Variants in SLIT3 observed in about 807,000 individuals in gnomAD.
The protein encoded by SLIT3 is slit homolog 3 protein.
SLIT3 carries 68 observed loss-of-function variants against 184.0 expected under a neutral mutation model. The ratio of observed to expected loss-of-function variants is 0.37; its 90% CI spans 0.30 to 0.45. The LOEUF is 0.45. SLIT3 is among the 20% of genes least tolerant of loss of function. SLIT3 has a pLI of 1.00. For synonymous variants in SLIT3, 831 were observed against 828.6 expected, an observed-to-expected ratio of 1.00 and a Z score of -0.05; for missense variants, 1,707 against 2,026.0, an observed-to-expected ratio of 0.84 and a Z score of 3.02.
intron 12 of SLIT3, among the ~76,000 whole-genome samples, chr5:168,784,768 C>T (rs1756092925): frequency 6.6e-6 from 1 of 152,116 alleles, no homozygotes; most frequent in Non-Finnish European, 1.5e-5. Context: ...TGAGTCCTGG[C>T]CCACAAACCC....
intron 5 of SLIT3, among the ~76,000 whole-genome samples, chr5:168,868,986 T>A (rs1429731880): frequency 6.6e-6 from 1 of 152,020 alleles, no homozygotes; most frequent in Non-Finnish European, 1.5e-5. Context: ...CCTAGAAGCT[T>A]GCAGGACTCA....
At chr5:169,023,593 C>T (rs1581317876) in intron 4 of SLIT3, 2 of 149,752 alleles carry the variant, frequency 1.3e-5, no homozygotes, top group Admixed American at 6.8e-5. Context: ...TCTTGTATTT[C>T]TACCCTCTGT....
chr5:168,851,092 G>A (rs1446162780), intron 5 of SLIT3, among the ~76,000 whole-genome samples: 4 of 152,122 alleles, frequency 2.6e-5, no homozygotes, highest in African/African-American at 4.8e-5. Flanking sequence ...GGGAGGCCGA[G>A]GCAGGGGGAT....
intron 4 of SLIT3, among the ~76,000 whole-genome samples, chr5:169,042,436 G>T (rs1049988911): frequency 6.6e-6 from 1 of 152,206 alleles, no homozygotes; most frequent in African/African-American, 2.4e-5. Context: ...CTTTGCATTA[G>T]ATGTTATCAA....
chr5:168,764,652 T>G (rs551785332), intron 14 of SLIT3, among the ~76,000 whole-genome samples: 53 of 152,320 alleles, frequency 3.5e-4, no homozygotes, highest in African/African-American at 1.2e-3. Flanking sequence ...GGGTCTCTAA[T>G]TCTGATGTGA....
At chr5:169,081,710 T>C (rs1391921674) in intron 4 of SLIT3, among the ~76,000 whole-genome samples, 1 of 152,116 alleles carries the variant, frequency 6.6e-6, no homozygotes, top group Non-Finnish European at 1.5e-5. Flanking sequence ...CCGGCAGCAA[T>C]TCACAATGGC....
intron 32 of SLIT3, among the ~76,000 whole-genome samples, chr5:168,673,683 G>A (rs1261844728): frequency 6.6e-6 from 1 of 152,146 alleles, no homozygotes; most frequent in Non-Finnish European, 1.5e-5. Context: ...GCACAGTGCA[G>A]TTGTCAACTT....
intron 4 of SLIT3, among the ~76,000 whole-genome samples, chr5:169,117,045 G>C (rs953007461): frequency 1.3e-5 from 2 of 152,122 alleles, no homozygotes; most frequent in Non-Finnish European, 2.9e-5. Context: ...GAAAGGGTTG[G>C]CTCCACCAGG....
intron 4 of SLIT3, among the ~76,000 whole-genome samples, chr5:169,050,684 A>G (rs1056775661): frequency 6.6e-5 from 10 of 151,412 alleles, no homozygotes; most frequent in African/African-American, 2.2e-4. Flanking sequence ...CGCAGCCTAT[A>G]ATAGCACTTT....
chr5:168,752,950 C>T lies in SLIT3; in HGVS notation c.1973+5G>A. 6.2e-7 allele frequency: 1 copy of T among 1,613,970 alleles called. No homozygotes were observed. Among genetic ancestry groups the T allele is most frequent in the East Asian group, 2.2e-5 (1 of 44,856 alleles). Reference sequence around the variant, plus strand: ...TCCGTGGGCAGTGGACCCAGGAGAACTTACATGGTGGACAGGGAGACAAGC... The same window carrying T: ...TCCGTGGGCAGTGGACCCAGGAGAATTTACATGGTGGACAGGGAGACAAGC... On this transcript the variant is annotated splice_donor_5th_base_variant and intron_variant, in intron 18 of 35. Coordinates refer to ENST00000519560, the MANE Select transcript of SLIT3 (RefSeq NM_003062.4).
intron 4 of SLIT3, among the ~76,000 whole-genome samples, chr5:168,987,860 T>A (rs1755189426): frequency 6.6e-6 from 1 of 152,208 alleles, no homozygotes; most frequent in Admixed American, 6.5e-5. Flanking sequence ...CGGTGTTAGG[T>A]AGGTGGGGGG....
At position 168,801,340 on chromosome 5, in the gene SLIT3, C is replaced by A. The variant is rs549813500; in HGVS notation, c.935+5106G>T. Among the ~76,000 whole-genome samples the A allele has an allele frequency of 2.1e-4, 32 of 152,280 alleles. No homozygotes were observed. In the South Asian group the frequency reaches 5.6e-3, roughly 27 times the overall value. On this transcript the variant is annotated intron_variant, in intron 9 of 35. Coordinates refer to ENST00000519560, the MANE Select transcript of SLIT3 (RefSeq NM_003062.4). The stretch of plus-strand genomic sequence containing the variant: ...TTTTTAATTCTGTGTGTCTTTTAAA[C>A]CCCCTGGTGGCTGGTAAGAATGGAA...
chr5:169,243,319 T>C (rs920893861), intron 3 of SLIT3, among the ~76,000 whole-genome samples: 1 of 152,210 alleles, frequency 6.6e-6, no homozygotes, highest in African/African-American at 2.4e-5. Context: ...GAATATTTCA[T>C]ACAAAGGAAC....
intron 4 of SLIT3, among the ~76,000 whole-genome samples, chr5:169,126,399 C>T (rs1335735899): frequency 6.6e-6 from 1 of 152,168 alleles, no homozygotes; most frequent in Non-Finnish European, 1.5e-5. Flanking sequence ...CATGATGTTG[C>T]TAAAGGGTAA....
At chr5:168,897,591 C>A (rs553098861) in intron 4 of SLIT3, among the ~76,000 whole-genome samples, 2 of 146,322 alleles carry the variant, frequency 1.4e-5, no homozygotes, top group African/African-American at 4.9e-5. Context: ...GGAAGAGACA[C>A]ACAGAGAAAG....
intron 4 of SLIT3, among the ~76,000 whole-genome samples, chr5:169,022,464 G>A (rs1756637899): frequency 6.6e-6 from 1 of 152,190 alleles, no homozygotes; most frequent in South Asian, 2.1e-4. Context: ...TTTGTGAACA[G>A]GGAAAAGTGA....
chr5:168,863,620 T>C (rs986439037), intron 5 of SLIT3, among the ~76,000 whole-genome samples: 6 of 152,194 alleles, frequency 3.9e-5, no homozygotes, highest in African/African-American at 1.4e-4. Context: ...GTGCAGGGCA[T>C]GGCCAACTCA....
At chr5:168,981,008 A>G (rs1754927475) in intron 4 of SLIT3, among the ~76,000 whole-genome samples, 1 of 152,228 alleles carries the variant, frequency 6.6e-6, no homozygotes, top group African/African-American at 2.4e-5. Context: ...AGTTCTATAC[A>G]AGTACTGACT....
intron 12 of SLIT3, among the ~76,000 whole-genome samples, chr5:168,782,265 G>A (rs925818055): frequency 6.6e-6 from 1 of 152,124 alleles, no homozygotes; most frequent in Admixed American, 6.5e-5. Flanking sequence ...ACCTGGAGCG[G>A]GTTTAAAAGC....
Sources: gnomAD v4.1 joint callset for allele counts (sites outside exome capture counted in the v4.1 genomes callset) on GRCh38, gnomAD v4.1.1 for gene constraint, MANE v1.5 for transcripts, NCBI Gene and HGNC (gene_info 2026-07-23, HGNC 2026-07-21) for gene names.